The following KAZN variants were observed in gnomAD, a reference collection of about 807,000 sequenced individuals.
The protein encoded by KAZN is kazrin.
A neutral mutation model predicts 87.4 loss-of-function variants in KAZN; 40 were observed. That is an observed-to-expected ratio of 0.46 (90% CI 0.36 to 0.60). The LOEUF is 0.60. Among genes scored for constraint, KAZN ranks in the 20% least tolerant of loss-of-function variants. The probability of loss-of-function intolerance (pLI) is 0.00; values close to 1 mark genes in which losing one functional copy is unlikely to be tolerated. For synonymous variants in KAZN, 466 were observed against 458.3 expected (o/e 1.02, Z -0.22); for missense variants, 898 against 1,073.9 (o/e 0.84, Z 2.29).
At chr1:14,512,847 C>A (rs989084822) in intron 2 of KAZN, among the ~76,000 whole-genome samples, 3 of 152,202 alleles carry the variant, frequency 2.0e-5, no homozygotes, top group African/African-American at 7.2e-5. Flanking sequence ...GATCTGACAA[C>A]CAGGACGGTC....
chr1:14,398,565 A>T (rs1474835376), intron 2 of KAZN, among the ~76,000 whole-genome samples: 1 of 152,238 alleles, frequency 6.6e-6, no homozygotes, highest in African/African-American at 2.4e-5. Context: ...GTTGATGCCC[A>T]GGTGGGATCA....
intron 2 of KAZN, among the ~76,000 whole-genome samples, chr1:14,991,637 T>C (rs921580629): frequency 7.2e-5 from 11 of 152,218 alleles, no homozygotes; most frequent in African/African-American, 2.7e-4. Flanking sequence ...TGGGGGACCA[T>C]GTGCATGGCC....
intron 2 of KAZN, among the ~76,000 whole-genome samples, chr1:14,321,892 G>C (rs16853943): frequency 3.9e-5 from 6 of 152,108 alleles, no homozygotes; most frequent in African/African-American, 1.4e-4. Flanking sequence ...AAAGAAGAGA[G>C]CTTACCCATG....
intron 2 of KAZN, among the ~76,000 whole-genome samples, chr1:14,449,573 A>G (rs1557729073): frequency 6.6e-6 from 1 of 152,172 alleles, no homozygotes; most frequent in East Asian, 1.9e-4. Context: ...TACATATGGA[A>G]TTTTTCGGGA....
At chr1:14,084,937 C>A (rs1643809271) in intron 1 of KAZN, among the ~76,000 whole-genome samples, 1 of 152,000 alleles carries the variant, frequency 6.6e-6, no homozygotes, top group Admixed American at 6.6e-5. Flanking sequence ...TGTGTACATT[C>A]ATGTATGTGT....
chr1:14,208,349 CTT>C (rs1646785661), intron 2 of KAZN, among the ~76,000 whole-genome samples: 1 of 152,204 alleles, frequency 6.6e-6, no homozygotes, highest in African/African-American at 2.4e-5. Flanking sequence ...AAAAATAGCT[CTT>C]TAAAATTATC....
chr1:15,020,510 C>G (rs1670558950), intron 2 of KAZN, among the ~76,000 whole-genome samples: 1 of 152,170 alleles, frequency 6.6e-6, no homozygotes, highest in Non-Finnish European at 1.5e-5. Flanking sequence ...ATCGTCTCTT[C>G]TTAGCACTGT....
At chr1:14,977,999 T>G (rs1270521682) in intron 2 of KAZN, among the ~76,000 whole-genome samples, 1 of 151,366 alleles carries the variant, frequency 6.6e-6, no homozygotes, top group African/African-American at 2.4e-5. Context: ...TTCAAGCGAT[T>G]CTCCTGCCTC....
At chr1:14,765,567 C>T (rs1263169309) in intron 1 of KAZN, among the ~76,000 whole-genome samples, 4 of 152,114 alleles carry the variant, frequency 2.6e-5, no homozygotes, top group African/African-American at 7.2e-5. Context: ...GGGAGAAATG[C>T]CTGCAAAGGA....
intron 1 of KAZN, among the ~76,000 whole-genome samples, chr1:13,926,464 A>G (rs902096469): frequency 6.6e-6 from 1 of 152,114 alleles, no homozygotes; most frequent in Non-Finnish European, 1.5e-5. Flanking sequence ...TTTCTGAGTC[A>G]CCCGATGGCT....
intron 1 of KAZN, among the ~76,000 whole-genome samples, chr1:14,634,818 T>C (rs1420750306): frequency 6.6e-6 from 1 of 152,134 alleles, no homozygotes; most frequent in African/African-American, 2.4e-5. Context: ...GAACACCTCT[T>C]CCTCAGCAGG....
intron 1 of KAZN, among the ~76,000 whole-genome samples, chr1:13,938,475 A>T (rs768441824): frequency 6.6e-6 from 1 of 152,244 alleles, no homozygotes; most frequent in Non-Finnish European, 1.5e-5. Flanking sequence ...GTGAACAAAG[A>T]TAATTTGACT....
intron 2 of KAZN, among the ~76,000 whole-genome samples, chr1:14,985,339 G>A (rs1307579964): frequency 1.4e-5 from 2 of 141,064 alleles, no homozygotes; most frequent in Admixed American, 6.9e-5. Flanking sequence ...AGACCAGGTT[G>A]GGCAACATAG....
intron 1 of KAZN, among the ~76,000 whole-genome samples, chr1:14,017,851 C>G (rs1640642009): frequency 6.6e-6 from 1 of 152,144 alleles, no homozygotes; most frequent in Non-Finnish European, 1.5e-5. Flanking sequence ...GTACTTGGCC[C>G]AGCCCCCTCA....
intron 1 of KAZN, among the ~76,000 whole-genome samples, chr1:14,638,716 G>A (rs75523386): frequency 3.3e-5 from 5 of 152,004 alleles, no homozygotes; most frequent in African/African-American, 4.8e-5. Context: ...TGAGTGTGCC[G>A]CTAGAACGGG....
chr1:14,687,966 G>T (rs1641056965), intron 1 of KAZN, among the ~76,000 whole-genome samples: 1 of 152,164 alleles, frequency 6.6e-6, no homozygotes, highest in Non-Finnish European at 1.5e-5. Flanking sequence ...ACGGCACAGG[G>T]TGGTCAGGGG....
At chr1:14,480,483 C>T (rs1000924284) in intron 2 of KAZN, among the ~76,000 whole-genome samples, 10 of 151,036 alleles carry the variant, frequency 6.6e-5, no homozygotes, top group African/African-American at 1.5e-4. Context: ...GTATAAGGGA[C>T]GAGAGTTCTA....
intron 1 of KAZN, among the ~76,000 whole-genome samples, chr1:14,739,850 C>A (rs1644032448): frequency 6.6e-6 from 1 of 152,098 alleles, no homozygotes; most frequent in Non-Finnish European, 1.5e-5. Flanking sequence ...AATTCATCTG[C>A]ACCCTTCAGG....
intron 1 of KAZN, among the ~76,000 whole-genome samples, chr1:14,158,985 C>T (rs552814620): frequency 6.6e-5 from 10 of 152,194 alleles, no homozygotes; most frequent in South Asian, 2.1e-4. Context: ...TCTGAGCCAC[C>T]GGGAGCTGGG....
Sources: gnomAD v4.1 joint callset for allele counts (sites outside exome capture counted in the v4.1 genomes callset) on GRCh38, gnomAD v4.1.1 for gene constraint, MANE v1.5 for transcripts, NCBI Gene and HGNC (gene_info 2026-07-23, HGNC 2026-07-21) for gene names.